MAST2: variants seen among roughly 807,000 people sequenced by gnomAD.
The protein encoded by MAST2 is microtubule-associated serine/threonine-protein kinase 2.
Under a neutral mutation model 147.4 loss-of-function variants are expected in MAST2, and 70 were observed. That is an observed-to-expected ratio of 0.47 (90% CI 0.39 to 0.58). MAST2 has a LOEUF of 0.58. Ranked by LOEUF, MAST2 falls within the 20% of genes least tolerant of loss-of-function variation. MAST2 has a pLI of 0.00. For synonymous variants in MAST2, 869 were observed against 896.8 expected (o/e 0.97, Z 0.55); for missense variants, 2,080 against 2,302.3 (o/e 0.90, Z 1.98).
intron 3 of MAST2, among the ~76,000 whole-genome samples, chr1:45,876,834 G>A (rs1056396116): frequency 3.3e-5 from 5 of 152,136 alleles, no homozygotes; most frequent in African/African-American, 1.2e-4. Flanking sequence ...ATGCGCTTCC[G>A]TGCCTCTAAA....
Position 46,035,822 on chromosome 1 carries a change from A to G in MAST2, c.5153A>G (p.Tyr1718Cys), listed in dbSNP as rs779440778. ...PSAPRLAHPS[Y>C]EDPSQGWLWE... ...GCCCCCAGACTGGCCCATCCATCTT[A>G]TGAGGATCCCAGCCAGGGCTGGCTA... The change falls in exon 29 of 29, where the codon TAT (tyrosine) becomes TGT (cysteine). Residue 1718 changes from tyrosine to cysteine, a missense_variant. This residue lies in a region of MAST2 where 1,278 missense variants were observed against 1,304.2 expected (regional missense o/e 0.98). Coordinates refer to ENST00000361297, the MANE Select transcript of MAST2 (RefSeq NM_015112.3). This position sits in a 1 kb window ranked among gnomAD's most constrained non-coding sequence, Gnocchi z 5.5. 1.2e-6 allele frequency: 2 copies of G among 1,614,032 alleles called. No homozygotes were observed. The highest frequency in any genetic ancestry group is 2.2e-5 in the South Asian group (2 of 91,070).
At chr1:45,960,004 C>T (rs947258465) in intron 5 of MAST2, among the ~76,000 whole-genome samples, 2 of 152,100 alleles carry the variant, frequency 1.3e-5, no homozygotes, top group Admixed American at 6.5e-5. Flanking sequence ...ATCCTAGGCT[C>T]GAGTGATCCT....
In MAST2 at chr1:45,837,869, C is replaced by A. The variant is rs1645149364; in HGVS notation, c.468+8288C>A. On this transcript the variant is annotated intron_variant, in intron 3 of 28. Coordinates refer to ENST00000361297, the MANE Select transcript of MAST2 (RefSeq NM_015112.3). ...TCTCGGCTCATTGCAACTTCCACCT[C>A]CCGGGTTCAAGCCATTCTCCTCCCT... Among the ~76,000 whole-genome samples the A allele has an allele frequency of 2.6e-5, 4 of 152,308 alleles. No homozygotes were observed. The South Asian group carries it at 8.3e-4, about 32-fold the overall frequency.
intron 5 of MAST2, among the ~76,000 whole-genome samples, chr1:45,973,371 C>T (rs1459616560): frequency 6.6e-6 from 1 of 152,156 alleles, no homozygotes; most frequent in Admixed American, 6.6e-5. Context: ...AGCACCACCT[C>T]TAATCTTTCT....
At chr1:45,998,000 G>A (rs1229400601) in intron 6 of MAST2, among the ~76,000 whole-genome samples, 2 of 152,152 alleles carry the variant, frequency 1.3e-5, no homozygotes, top group African/African-American at 4.8e-5. Context: ...GGTGCCCCAT[G>A]TATTTGTGTT....
intron 10 of MAST2, among the ~76,000 whole-genome samples, chr1:46,018,842 C>T (rs1011662196): frequency 2.0e-5 from 3 of 152,186 alleles, no homozygotes; most frequent in African/African-American, 7.2e-5. Context: ...AAGAGACTCT[C>T]ATATAGGTGC....
Position 46,034,594 on chromosome 1 carries a change from G to C in MAST2, c.3925G>C (p.Ala1309Pro), listed in dbSNP as rs527444330. The C allele has an allele frequency of 6.2e-7, 1 of 1,614,056 alleles. No homozygotes were observed. Among genetic ancestry groups the C allele is most frequent in the South Asian group, 1.1e-5 (1 of 91,074 alleles). ...CAGCTCCAGCGTGCCCAGTTCCCCA[G>C]CCGGCTCTGGGCACACACGGCCCAG... The part of the protein sequence containing the change: ...SPSSSVPSSP[A>P]GSGHTRPSSL... Residue 1309 changes from alanine (A) to proline (P), a missense_variant, in exon 29 of 29, where the codon GCC becomes CCC. Physicochemically the swap from Ala to Pro is conservative, Grantham distance 27. Coordinates refer to ENST00000361297, the MANE Select transcript of MAST2 (RefSeq NM_015112.3).
At position 45,956,353 on chromosome 1, in the gene MAST2, C is replaced by T. The variant is rs563186120; in HGVS notation, c.501-3033C>T. ...TGGCTCCTAAATGTTCCTCATATCA[C>T]CAACCCTTACTGTGGGTGGTACAAT... is the stretch of plus-strand genomic sequence containing the variant. On this transcript the variant is annotated intron_variant, in intron 4 of 28. Coordinates refer to ENST00000361297, the MANE Select transcript of MAST2 (RefSeq NM_015112.3). Among the ~76,000 whole-genome samples the T allele has an allele frequency of 1.7e-3, 254 of 152,266 alleles. 1 individual carries two copies. Among genetic ancestry groups the T allele is most frequent in the African/African-American group, 5.7e-3 (236 of 41,562 alleles).
In MAST2 at chr1:45,971,721, C is replaced by T. The variant is rs570321853; in HGVS notation, c.592+12244C>T. Among the ~76,000 whole-genome samples, 10 of 152,236 alleles carry T rather than the reference C, an allele frequency of 6.6e-5. No homozygotes were observed. The East Asian group carries it at 1.9e-3, about 29-fold the overall frequency. On this transcript the variant is annotated intron_variant, in intron 5 of 28. Transcript: ENST00000361297. ...AAGCTTAGTGGCATTAAATTGATAA[C>T]CAGCATAGACATTTAGATTGTTTAT... is the stretch of plus-strand genomic sequence containing the variant.
chr1:45,931,673 T>A (rs968018870), intron 4 of MAST2, among the ~76,000 whole-genome samples: 2 of 152,102 alleles, frequency 1.3e-5, no homozygotes, highest in East Asian at 1.9e-4. Flanking sequence ...TGTTTTTTTT[T>A]AGTAGAGACA....
chr1:45,990,849 A>G (rs892502487), intron 5 of MAST2, among the ~76,000 whole-genome samples: 5 of 152,056 alleles, frequency 3.3e-5, no homozygotes, highest in African/African-American at 1.2e-4. Context: ...TTCTCTTAAC[A>G]GTATCTTTTG....
At chr1:46,032,752 G>T in intron 26 of MAST2, 34 bp downstream of exon 26, 2 of 1,598,810 alleles carry the variant, frequency 1.3e-6, no homozygotes, top group South Asian at 2.3e-5. Context: ...CATGGTCCCT[G>T]AATGACCTCA....
intron 3 of MAST2, among the ~76,000 whole-genome samples, chr1:45,871,847 A>G (rs1441036236): frequency 6.6e-6 from 1 of 152,204 alleles, no homozygotes; most frequent in Non-Finnish European, 1.5e-5. Flanking sequence ...ATTATGAGTT[A>G]TATCAAGAGA....
chr1:45,993,219 T>C (rs1644916664), intron 5 of MAST2, among the ~76,000 whole-genome samples: 1 of 152,168 alleles, frequency 6.6e-6, no homozygotes, highest in Non-Finnish European at 1.5e-5. Flanking sequence ...TAGTTAAGTT[T>C]CCCATTGCTC....
chr1:46,020,224 G>A (rs143337487), intron 11 of MAST2, among the ~76,000 whole-genome samples: 1 of 152,336 alleles, frequency 6.6e-6, no homozygotes, highest in Non-Finnish European at 1.5e-5. Context: ...CCTGGAAAAG[G>A]AAGTGCTTTA....
intron 15 of MAST2, chr1:46,024,424 AAGAGCAACATGGG>A (rs1557497403): frequency 9.6e-6 from 2 of 208,318 alleles, no homozygotes; most frequent in Non-Finnish European, 2.0e-5. Context: ...AATAGAACAG[AAGAGCAACATGGG>A]GCATAGTTCT....
intron 3 of MAST2, among the ~76,000 whole-genome samples, chr1:45,837,938 C>G (rs1169679524): frequency 1.3e-5 from 2 of 152,126 alleles, no homozygotes; most frequent in Non-Finnish European, 2.9e-5. Flanking sequence ...GCCACCACGC[C>G]CAGCTGATTT....
In MAST2 at chr1:46,027,773, T is replaced by C. The variant is rs1194823658; in HGVS notation, c.1962T>C (p.Phe654=). 3 of 1,614,062 alleles carry C rather than the reference T, an allele frequency of 1.9e-6. No homozygotes were observed. Among genetic ancestry groups the C allele is most frequent in the Admixed American group, 3.3e-5 (2 of 60,000 alleles). ...TGGGGCACATCAAGCTCACGGACTT[T>C]GGACTGTCCAAAATTGGCCTCATGA... ...TSMGHIKLTD[F]GLSKIGLMSL... Residue 654 remains phenylalanine (F), a synonymous_variant, in exon 17 of 29, where the codon TTT becomes TTC. Coordinates refer to ENST00000361297, the MANE Select transcript of MAST2 (RefSeq NM_015112.3).
chr1:45,951,181 A>G (rs554122081), intron 4 of MAST2, among the ~76,000 whole-genome samples: 7 of 152,262 alleles, frequency 4.6e-5, no homozygotes, highest in South Asian at 2.1e-4. Context: ...TGATTGTGCC[A>G]TTGCACCCTA....
Sources: allele counts gnomAD v4.1 joint callset (sites outside exome capture counted in the v4.1 genomes callset), GRCh38; gene constraint gnomAD v4.1.1; regional missense constraint gnomAD v4.1.1; non-coding constraint Gnocchi (gnomAD v3.1); transcripts MANE v1.5; gene names NCBI Gene and HGNC (gene_info 2026-07-23, HGNC 2026-07-21).